TMEM200B: variants seen among roughly 807,000 people sequenced by gnomAD.
The protein encoded by TMEM200B is transmembrane protein TTMA.
TMEM200B carries 12 observed loss-of-function variants against 17.6 expected under a neutral mutation model. That is an observed-to-expected ratio of 0.68 (90% CI 0.44 to 1.11). The LOEUF (loss-of-function observed/expected upper bound fraction) is 1.11, where lower values mean the gene tolerates loss of function less well. Ranked by LOEUF, TMEM200B falls within the 50% of genes least tolerant of loss-of-function variation. TMEM200B has a pLI of 0.00. For missense variants in TMEM200B, 456 were observed against 447.6 expected (o/e 1.02, Z -0.17); for synonymous variants, 234 against 209.2 (o/e 1.12, Z -1.02).
At position 29,120,443 on chromosome 1, in the gene TMEM200B, C is replaced by T. The variant is rs761959014; in HGVS notation, c.*462G>A. On this transcript the variant is annotated 3_prime_UTR_variant, in exon 2 of 2. Transcript: ENST00000521452. The stretch of plus-strand genomic sequence containing the variant: ...CAGATGGCAGTGGAGAGTCTCATCC[C>T]GTGGTCCATCTTCCCAGAGGCCCCA... 7.6e-5 allele frequency: 13 copies of T among 170,602 alleles called. No individual in the cohort carries two copies. Among genetic ancestry groups the T allele is most frequent in the Admixed American group, 5.0e-4 (9 of 18,114 alleles). 10.6% of individuals were successfully genotyped at this position (170,602 alleles called of 1,614,324 possible). A position where few individuals can be genotyped will look rare whatever the true frequency, so the allele number is the denominator to read the frequency against.
rs1414395702 is a variant in TMEM200B, at chr1:29,120,589, A to C, written c.*316T>G. ...TTGGGTTTGCCAAGACACTGGGTAC[A>C]TCTCCCAGTCACCCTGGCCTGGACC... On this transcript the variant is annotated 3_prime_UTR_variant, in exon 2 of 2. Transcript: ENST00000521452. 8.4e-6 allele frequency: 3 copies of C among 357,964 alleles called. No homozygotes were observed. Among genetic ancestry groups the C allele is most frequent in the Non-Finnish European group, 1.5e-5 (3 of 196,574 alleles). 22.2% of individuals were successfully genotyped at this position (357,964 alleles called of 1,614,324 possible). A position where few individuals can be genotyped will look rare whatever the true frequency, so the allele number is the denominator to read the frequency against.
intron 1 of TMEM200B, among the ~76,000 whole-genome samples, chr1:29,123,210 G>A (rs1671876137): frequency 6.6e-6 from 1 of 152,212 alleles, no homozygotes; most frequent in African/African-American, 2.4e-5. Context: ...GGCCTAGCAG[G>A]GAGCCGCCAC....
chr1:29,121,332 TCCCAGCCCGGGCCGTCGGGGGGCCGGAGC>T lies in TMEM200B; in HGVS notation c.468_496del (p.Asp161SerfsTer6). The T allele has an allele frequency of 6.3e-7, 1 of 1,580,884 alleles. No homozygotes were observed. On this transcript the variant is annotated frameshift_variant, in exon 2 of 2. Coordinates refer to ENST00000521452, the MANE Select transcript of TMEM200B (RefSeq NM_001003682.4). LOFTEE classifies it high-confidence loss of function. The surrounding 1 kb of genome is among the most constrained non-coding windows in gnomAD (Gnocchi z 5.6). ...GCCGGGGCTGGGAAGGAGGGCGCAG[TCCCAGCCCGGGCCGTCGGGGGGCCGGAGC>T]GCCTGGGCCCGCAGCACCCCCTGGC...
At position 29,121,407 on chromosome 1, in the gene TMEM200B, T is replaced by A; in HGVS notation, c.422A>T (p.Asp141Val). Residue 141 changes from aspartate (D) to valine (V), a missense_variant, in exon 2 of 2, where the codon GAC (aspartate) becomes GTC (valine). Physicochemically the swap from Asp to Val is radical, Grantham distance 152 (BLOSUM62 -3). Transcript: ENST00000521452. The surrounding 1 kb of genome is among the most constrained non-coding windows in gnomAD (Gnocchi z 5.6). ...CANTLLYENRDLETRRLRQGV... is the reference protein window; with the variant it reads ...CANTLLYENRVLETRRLRQGV... Reference sequence around the variant, plus strand: ...CTGGCGGAGCCGTCGCGTCTCCAAGTCTCGGTTCTCATACAGCAGTGTGTT... The same window carrying A: ...CTGGCGGAGCCGTCGCGTCTCCAAGACTCGGTTCTCATACAGCAGTGTGTT... 1 of 1,539,542 alleles carries A rather than the reference T, an allele frequency of 6.5e-7. No individual in the cohort carries two copies. The highest frequency in any genetic ancestry group is 8.7e-7 in the Non-Finnish European group (1 of 1,147,220).
In TMEM200B at chr1:29,121,466, G is replaced by C. The variant is rs1671776175; in HGVS notation, c.363C>G (p.Ile121Met). Residue 121 changes from isoleucine to methionine, a missense_variant, in exon 2 of 2, where the codon ATC becomes ATG. By Grantham distance (10) the Ile-to-Met change is conservative (BLOSUM62 1). Transcript: ENST00000521452. This position sits in a 1 kb window ranked among gnomAD's most constrained non-coding sequence, Gnocchi z 5.6. ...TGAACACGAACAGGCCGACGCCCAT[G>C]ATCACCGGCCCGAGGAGCCGCAGCC... ...HERLRLLGPV[I>M]MGVGLFVFIC... 2 of 1,532,622 alleles carry C rather than the reference G, an allele frequency of 1.3e-6. No individual in the cohort carries two copies. The highest frequency in any genetic ancestry group is 1.4e-5 in the African/African-American group (1 of 72,872). 94.9% of individuals were successfully genotyped at this position (1,532,622 alleles called of 1,614,324 possible). A position where few individuals can be genotyped will look rare whatever the true frequency, so the allele number is the denominator to read the frequency against.
Position 29,121,919 on chromosome 1 carries a change from G to C in TMEM200B, c.-20-71C>G. On this transcript the variant is annotated intron_variant, in intron 1 of 1. Transcript: ENST00000521452. The surrounding 1 kb of genome is among the most constrained non-coding windows in gnomAD (Gnocchi z 5.6). ...AGCTTCAGGGCGCCAGGTTCGGGGC[G>C]CAAATCCGGGAGGGAAGCTCCGGCC... 1 of 1,081,998 alleles carries C rather than the reference G, an allele frequency of 9.2e-7. No homozygotes were observed. Among genetic ancestry groups the C allele is most frequent in the Non-Finnish European group, 1.1e-6 (1 of 877,770 alleles). The allele number at this position is 1,081,998 out of a possible 1,614,324, so 67.0% of individuals were successfully genotyped here. A position where few individuals can be genotyped will look rare whatever the true frequency, so the allele number is the denominator to read the frequency against.
Position 29,121,914 on chromosome 1 carries a change from G to A in TMEM200B, c.-20-66C>T, listed in dbSNP as rs1405123670. ...CCTCTAGCTTCAGGGCGCCAGGTTCGGGGCGCAAATCCGGGAGGGAAGCTC... is the reference window on the plus strand; with the variant it reads ...CCTCTAGCTTCAGGGCGCCAGGTTCAGGGCGCAAATCCGGGAGGGAAGCTC... On this transcript the variant is annotated intron_variant, in intron 1 of 1. Coordinates refer to ENST00000521452, the MANE Select transcript of TMEM200B (RefSeq NM_001003682.4). This position sits in a 1 kb window ranked among gnomAD's most constrained non-coding sequence, Gnocchi z 5.6. 9.0e-7 allele frequency: 1 copy of A among 1,112,102 alleles called. No homozygotes were observed. The highest frequency in any genetic ancestry group is 1.1e-6 in the Non-Finnish European group (1 of 900,556). The allele number at this position is 1,112,102 out of a possible 1,614,324, so 68.9% of individuals were successfully genotyped here.
chr1:29,120,938 C>T lies in TMEM200B; in HGVS notation c.891G>A (p.Leu297=), dbSNP rs1416779634. ...GGGCCCCCAAGTCCCCTCCTCCTCC[C>T]AATTTGGCATAGCCCCCAAGACTGA... is the stretch of plus-strand genomic sequence containing the variant. ...DRLSLGGYAK[L]GGGGDLGARV is the part of the protein sequence containing the mutation. Residue 297 remains leucine (L), a synonymous_variant, in exon 2 of 2, where the codon TTG becomes TTA. Coordinates refer to ENST00000521452, the MANE Select transcript of TMEM200B (RefSeq NM_001003682.4). The T allele has an allele frequency of 2.5e-6, 4 of 1,610,008 alleles. No individual in the cohort carries two copies. The highest frequency in any genetic ancestry group is 3.4e-6 in the Non-Finnish European group (4 of 1,177,564).
Position 29,121,419 on chromosome 1 carries a change from T to A in TMEM200B, c.410A>T (p.Tyr137Phe), listed in dbSNP as rs1365331586. ...TCGCGTCTCCAAGTCTCGGTTCTCA[T>A]ACAGCAGTGTGTTGGCGCAGATGAA... ...FVFICANTLL[Y>F]ENRDLETRRL... The change falls in exon 2 of 2, where the codon TAT becomes TTT. Residue 137 changes from tyrosine to phenylalanine, a missense_variant. By Grantham distance (22) the Tyr-to-Phe change is conservative. Transcript: ENST00000521452. The surrounding 1 kb of genome is among the most constrained non-coding windows in gnomAD (Gnocchi z 5.6). 3 of 1,537,250 alleles carry A rather than the reference T, an allele frequency of 2.0e-6. No homozygotes were observed. The highest frequency in any genetic ancestry group is 1.7e-6 in the Non-Finnish European group (2 of 1,146,786).
In TMEM200B at chr1:29,121,113, G is replaced by C. The variant is rs141396048; in HGVS notation, c.716C>G (p.Thr239Arg). Residue 239 changes from threonine to arginine, a missense_variant, in exon 2 of 2, where the codon ACG becomes AGG. Coordinates refer to ENST00000521452, the MANE Select transcript of TMEM200B (RefSeq NM_001003682.4). This position sits in a 1 kb window ranked among gnomAD's most constrained non-coding sequence, Gnocchi z 5.6. ...PGLPPPWGPR[T>R]QTGHVIITVQ... The stretch of plus-strand genomic sequence containing the variant: ...GGTGATGATCACATGGCCAGTCTGC[G>C]TCCGTGGACCCCAGGGTGGGGGCAG... 16 of 1,613,740 alleles carry C rather than the reference G, an allele frequency of 9.9e-6. No individual in the cohort carries two copies. The highest frequency in any genetic ancestry group is 1.6e-4 in the Middle Eastern group (1 of 6,084).
At position 29,120,005 on chromosome 1, in the gene TMEM200B, G is replaced by A. The variant is rs1340083259; in HGVS notation, c.*900C>T. 6.6e-6 allele frequency: 1 copy of A among 152,540 alleles called. No individual in the cohort carries two copies. Among genetic ancestry groups the A allele is most frequent in the African/African-American group, 2.4e-5 (1 of 41,414 alleles). 9.4% of individuals were successfully genotyped at this position (152,540 alleles called of 1,614,324 possible). A position where few individuals can be genotyped will look rare whatever the true frequency, so the allele number is the denominator to read the frequency against. ...AGATATCTGTTTGGTCTTGCTTCTTGTATTGCATTTTTTTCAATAAACAAC... is the reference window on the plus strand; with the variant it reads ...AGATATCTGTTTGGTCTTGCTTCTTATATTGCATTTTTTTCAATAAACAAC... On this transcript the variant is annotated 3_prime_UTR_variant, in exon 2 of 2. Coordinates refer to ENST00000521452, the MANE Select transcript of TMEM200B (RefSeq NM_001003682.4).
chr1:29,123,623 G>A (rs1452013068), intron 1 of TMEM200B, among the ~76,000 whole-genome samples: 2 of 152,126 alleles, frequency 1.3e-5, no homozygotes, highest in Non-Finnish European at 2.9e-5. Flanking sequence ...GGGGACACCA[G>A]GGAGGCGGAA....
In TMEM200B at chr1:29,120,622, C is replaced by T. The variant is rs1409852277; in HGVS notation, c.*283G>A. On this transcript the variant is annotated 3_prime_UTR_variant, in exon 2 of 2. Transcript: ENST00000521452. ...GTCACCCTGGCCTGGACCTCCAGCC[C>T]TGTTAGGGCTAAGGCCACTTACAGA... 1 of 444,544 alleles carries T rather than the reference C, an allele frequency of 2.2e-6. No individual in the cohort carries two copies. The highest frequency in any genetic ancestry group is 4.0e-6 in the Non-Finnish European group (1 of 250,118). 27.5% of individuals were successfully genotyped at this position (444,544 alleles called of 1,614,324 possible).
Position 29,119,708 on chromosome 1 carries a change from CT to C in TMEM200B, c.*1196del. 6.5e-6 allele frequency: 1 copy of C among 152,854 alleles called. No individual in the cohort carries two copies. 9.5% of individuals were successfully genotyped at this position (152,854 alleles called of 1,614,324 possible). A position where few individuals can be genotyped will look rare whatever the true frequency, so the allele number is the denominator to read the frequency against. ...GCCAGAGCTGCGGCCTGACTGACGCCTTTTGATGCTCACGGGAAATTTCTGC... is the reference window on the plus strand; with the variant it reads ...GCCAGAGCTGCGGCCTGACTGACGCCTTTGATGCTCACGGGAAATTTCTGC... On this transcript the variant is annotated 3_prime_UTR_variant, in exon 2 of 2. Transcript: ENST00000521452.
In TMEM200B at chr1:29,121,714, G is replaced by C; in HGVS notation, c.115C>G (p.Pro39Ala). 3 of 1,223,400 alleles carry C rather than the reference G, an allele frequency of 2.5e-6. No homozygotes were observed. Among genetic ancestry groups the C allele is most frequent in the East Asian group, 3.4e-5 (1 of 29,804 alleles). 75.8% of individuals were successfully genotyped at this position (1,223,400 alleles called of 1,614,324 possible). ...RRRRPRSPPE[P>A]LRVRARLRLR... ...CGCAGCCGCGCCCGCACCCGCAGAG[G>C]CTCGGGCGGGGAGCGCGGGCGCCGG... is the stretch of plus-strand genomic sequence containing the variant. The change falls in exon 2 of 2, where the codon CCT becomes GCT. Residue 39 changes from proline to alanine, a missense_variant. Transcript: ENST00000521452. This position sits in a 1 kb window ranked among gnomAD's most constrained non-coding sequence, Gnocchi z 5.6.
chr1:29,121,429 T>G lies in TMEM200B; in HGVS notation c.400A>C (p.Thr134Pro), dbSNP rs770166758. ...VGLFVFICANTLLYENRDLET... is the reference protein window; with the variant it reads ...VGLFVFICANPLLYENRDLET... ...AAGTCTCGGTTCTCATACAGCAGTG[T>G]GTTGGCGCAGATGAACACGAACAGG... Residue 134 changes from threonine (T) to proline (P), a missense_variant, in exon 2 of 2, where the codon ACA becomes CCA. Thr to Pro is a conservative substitution (Grantham distance 38). Coordinates refer to ENST00000521452, the MANE Select transcript of TMEM200B (RefSeq NM_001003682.4). The surrounding 1 kb of genome is among the most constrained non-coding windows in gnomAD (Gnocchi z 5.6). 6.5e-7 allele frequency: 1 copy of G among 1,535,938 alleles called. No homozygotes were observed.
In TMEM200B at chr1:29,121,853, G is replaced by C; in HGVS notation, c.-20-5C>G. 7 of 1,276,056 alleles carry C rather than the reference G, an allele frequency of 5.5e-6. No individual in the cohort carries two copies. Among genetic ancestry groups the C allele is most frequent in the Non-Finnish European group, 6.9e-6 (7 of 1,008,882 alleles). The allele number at this position is 1,276,056 out of a possible 1,614,324, so 79.0% of individuals were successfully genotyped here. A position where few individuals can be genotyped will look rare whatever the true frequency, so the allele number is the denominator to read the frequency against. On this transcript the variant is annotated splice_region_variant and splice_polypyrimidine_tract_variant and intron_variant, in intron 1 of 1. Coordinates refer to ENST00000521452, the MANE Select transcript of TMEM200B (RefSeq NM_001003682.4). The surrounding 1 kb of genome is among the most constrained non-coding windows in gnomAD (Gnocchi z 5.6). ...TCTCGCCGTCGTCTGGGCGCTCTGC[G>C]GAGAGAAGATGGGAGGCAAGGACTG...
At chr1:29,123,170 C>T (rs1434949406) in intron 1 of TMEM200B, among the ~76,000 whole-genome samples, 2 of 152,224 alleles carry the variant, frequency 1.3e-5, no homozygotes, top group African/African-American at 4.8e-5. Context: ...GACACCCATC[C>T]CTGCCTCCGA....
chr1:29,120,695 G>T lies in TMEM200B; in HGVS notation c.*210C>A, dbSNP rs957255736. ...AGTCCTCCACACCCCACAGTGAAAC[G>T]CACCCTCTCCAGCTCACTGAGCCCT... On this transcript the variant is annotated 3_prime_UTR_variant, in exon 2 of 2. Coordinates refer to ENST00000521452, the MANE Select transcript of TMEM200B (RefSeq NM_001003682.4). 1.6e-6 allele frequency: 1 copy of T among 624,046 alleles called. No individual in the cohort carries two copies. Among genetic ancestry groups the T allele is most frequent in the Non-Finnish European group, 2.7e-6 (1 of 368,388 alleles). 38.7% of individuals were successfully genotyped at this position (624,046 alleles called of 1,614,324 possible).
Sources: allele counts gnomAD v4.1 joint callset (sites outside exome capture counted in the v4.1 genomes callset), GRCh38; gene constraint gnomAD v4.1.1; non-coding constraint Gnocchi (gnomAD v3.1); transcripts MANE v1.5; gene names NCBI Gene and HGNC (gene_info 2026-07-23, HGNC 2026-07-21).